The following SLC4A2 variants were observed in gnomAD, a reference collection of about 807,000 sequenced individuals.
The protein encoded by SLC4A2 is solute carrier family 4 member 2.
SLC4A2 carries 36 observed loss-of-function variants against 115.0 expected under a neutral mutation model. The observed-to-expected ratio is 0.31, with a 90% CI of 0.24 to 0.41. The LOEUF (loss-of-function observed/expected upper bound fraction) is 0.41. SLC4A2 is among the 10% of genes least tolerant of loss of function. SLC4A2 has a pLI of 1.00. For missense variants in SLC4A2, 1,252 were observed against 1,705.6 expected (o/e 0.73, Z 4.68); for synonymous variants, 708 against 708.3 (o/e 1.00, Z 0.01).
In SLC4A2 at chr7:151,075,297, C is replaced by T. The variant is rs138048493; in HGVS notation, c.3090C>T (p.Ser1030=). ...SKKERMLQKG[S]GFHLDLLLIV... ...AGGAGCGCATGCTGCAGAAGGGCTC[C>T]GGCTTCCACCTGGACCTGCTGCTCA... The change falls in exon 20 of 23, where the codon TCC becomes TCT. Residue 1030 remains serine (S), a synonymous_variant. Coordinates refer to ENST00000413384, the MANE Select transcript of SLC4A2 (RefSeq NM_003040.4). 291 of 1,613,422 alleles carry T rather than the reference C, an allele frequency of 1.8e-4. No homozygotes were observed. In the African/African-American group the frequency reaches 3.1e-3, roughly 17 times the overall value.
At position 151,074,278 on chromosome 7, in the gene SLC4A2, G is replaced by T; in HGVS notation, c.2775G>T (p.Arg925=). 1 of 1,610,138 alleles carries T rather than the reference G, an allele frequency of 6.2e-7. No individual in the cohort carries two copies. Among genetic ancestry groups the T allele is most frequent in the Non-Finnish European group, 8.5e-7 (1 of 1,179,248 alleles). ...TCCTGCGCAAATTCAAGAACAGCCG[G>T]TTCTTTCCTGGCCGGGTGCGTGGGC... The part of the protein sequence containing the change: ...AFFLRKFKNS[R]FFPGRIRRVI... Residue 925 remains arginine (R), a synonymous_variant, in exon 17 of 23, where the codon CGG becomes CGT. Coordinates refer to ENST00000413384, the MANE Select transcript of SLC4A2 (RefSeq NM_003040.4).
chr7:151,061,692 C>T lies in SLC4A2; in HGVS notation c.-63-233C>T, dbSNP rs1206627320. On this transcript the variant is annotated intron_variant, in intron 1 of 22. Transcript: ENST00000413384. ...GGCCTTTCCCACCTCCTCTCTCCTC[C>T]TCCCTCTACTCAGCCTCTCGGCCCT... The T allele has an allele frequency of 1.9e-5, 8 of 431,270 alleles. No individual in the cohort carries two copies. In the East Asian group the frequency reaches 2.0e-4, roughly 11 times the overall value. 26.7% of individuals were successfully genotyped at this position (431,270 alleles called of 1,614,324 possible). A position where few individuals can be genotyped will look rare whatever the true frequency, so the allele number is the denominator to read the frequency against.
chr7:151,071,039 G>A lies in SLC4A2; in HGVS notation c.1750-33G>A. 1 of 1,607,728 alleles carries A rather than the reference G, an allele frequency of 6.2e-7. No individual in the cohort carries two copies. The highest frequency in any genetic ancestry group is 8.5e-7 in the Non-Finnish European group (1 of 1,176,328). Reference sequence around the variant, plus strand: ...CTCCAGGCCCTCAGCCCTCTTCTTTGTGCTCTCCCCCATCCCCATGCTGCT... The same window carrying A: ...CTCCAGGCCCTCAGCCCTCTTCTTTATGCTCTCCCCCATCCCCATGCTGCT... On this transcript the variant is annotated intron_variant, in intron 12 of 22. Transcript: ENST00000413384. This position sits in a 1 kb window ranked among gnomAD's most constrained non-coding sequence, Gnocchi z 5.5.
Position 151,072,004 on chromosome 7 carries a change from G to T in SLC4A2, c.2403G>T (p.Val801=). The change falls in exon 16 of 23, where the codon GTG becomes GTT. Residue 801 remains valine, a synonymous_variant. Coordinates refer to ENST00000413384, the MANE Select transcript of SLC4A2 (RefSeq NM_003040.4). ...VGRVWIGFWL[V]FLALLMVALE... is the part of the protein sequence containing the mutation. ...GTGTGTGGATCGGCTTCTGGCTGGT[G>T]TTCCTGGCCCTGCTCATGGTGGCCC... 1 of 1,613,754 alleles carries T rather than the reference G, an allele frequency of 6.2e-7. No homozygotes were observed. Among genetic ancestry groups the T allele is most frequent in the Non-Finnish European group, 8.5e-7 (1 of 1,179,896 alleles).
rs765065667 is a variant in SLC4A2 at position 151,076,272 on chromosome 7, C to T, written c.3646-15C>T. 8 of 1,576,714 alleles carry T rather than the reference C, an allele frequency of 5.1e-6. No individual in the cohort carries two copies. In the South Asian group the frequency reaches 9.5e-5, roughly 19 times the overall value. ...CCCCCACTTCCCTTCTTGACCGCCA[C>T]CTCCCCACACACAGCTGGATGCTAA... On this transcript the variant is annotated splice_polypyrimidine_tract_variant and intron_variant, in intron 22 of 22. Transcript: ENST00000413384.
At position 151,064,317 on chromosome 7, in the gene SLC4A2, C is replaced by G. The variant is rs1165678568; in HGVS notation, c.167C>G (p.Ser56Cys). 2 of 1,604,228 alleles carry G rather than the reference C, an allele frequency of 1.2e-6. No homozygotes were observed. Among genetic ancestry groups the G allele is most frequent in the South Asian group, 2.2e-5 (2 of 90,792 alleles). Residue 56 changes from serine (S) to cysteine (C), a missense_variant, in exon 3 of 23, where the codon TCT (serine) becomes TGT (cysteine). Ser to Cys is a moderately radical substitution (Grantham distance 112, BLOSUM62 -1). This residue lies in a region of SLC4A2 where 74 missense variants were observed against 85.3 expected (regional missense o/e 0.87). Coordinates refer to ENST00000413384, the MANE Select transcript of SLC4A2 (RefSeq NM_003040.4). ...GAGGAGATCCTACAGGAGGCCGGGT[C>G]TCGTGGAGGGGAGGAGCCAGGCCGC... is the stretch of plus-strand genomic sequence containing the variant. ...RFEEILQEAG[S>C]RGGEEPGRSY...
rs775999895 is a variant in SLC4A2 at position 151,075,237 on chromosome 7, C to T, written c.3048-18C>T. 11 of 1,611,318 alleles carry T rather than the reference C, an allele frequency of 6.8e-6. No homozygotes were observed. The African/African-American group carries it at 8.0e-5, about 12-fold the overall frequency. On this transcript the variant is annotated intron_variant, in intron 19 of 22. Transcript: ENST00000413384. ...CTGAGTCCAGCCTGGGCCTCAGCAG[C>T]ACCCCTCCCGCTCTCAGGCTCATCA...
rs1394989140 is a variant in SLC4A2, at chr7:151,070,795, G to A, written c.1633G>A (p.Ala545Thr). 5 of 1,613,892 alleles carry A rather than the reference G, an allele frequency of 3.1e-6. No homozygotes were observed. Among genetic ancestry groups the A allele is most frequent in the South Asian group, 2.2e-5 (2 of 91,092 alleles). ...VRLREAVELD[A>T]VLEVPVPVRF... ...GCTCCGGGAGGCTGTGGAGTTGGAC[G>A]CAGTGTTGGAGGTGCCGGTGCCTGT... Residue 545 changes from alanine to threonine, a missense_variant, in exon 12 of 23, where the codon GCA (alanine) becomes ACA (threonine). By Grantham distance (58) the Ala-to-Thr change is moderately conservative. Around this residue, in one of 14 missense-constraint regions of SLC4A2, gnomAD observed 87 missense variants for 170.3 expected, o/e 0.51. Transcript: ENST00000413384.
rs923347323 is a variant in SLC4A2, at chr7:151,076,480, T to A, written c.*113T>A. The A allele has an allele frequency of 2.2e-6, 2 of 901,208 alleles. No homozygotes were observed. The highest frequency in any genetic ancestry group is 3.2e-6 in the Non-Finnish European group (2 of 622,640). 55.8% of individuals were successfully genotyped at this position (901,208 alleles called of 1,614,324 possible). Reference sequence around the variant, plus strand: ...TTATTTAAGTGAATAATTTAAAGTCTTCTCCTCCCCCACTGCCCCTGCAGT... The same window carrying A: ...TTATTTAAGTGAATAATTTAAAGTCATCTCCTCCCCCACTGCCCCTGCAGT... On this transcript the variant is annotated 3_prime_UTR_variant, in exon 23 of 23. Coordinates refer to ENST00000413384, the MANE Select transcript of SLC4A2 (RefSeq NM_003040.4).
chr7:151,075,629 CTGCTCCGGCAGATCCCCCTGGCCG>C lies in SLC4A2; in HGVS notation c.3331_3354del (p.Arg1111_Leu1118del). 6.3e-7 allele frequency: 1 copy of C among 1,596,308 alleles called. No individual in the cohort carries two copies. ...AGGCCTCTCCATAGTTATCGGGGAT[CTGCTCCGGCAGATCCCCCTGGCCG>C]TGCTCTTTGGAATTTTCCTGTACAT... On this transcript the variant is annotated inframe_deletion, in exon 21 of 23. Transcript: ENST00000413384.
chr7:151,072,209 A>G, intron 16 of SLC4A2, 73 bp downstream of exon 16: 1 of 1,381,806 alleles, frequency 7.2e-7, no homozygotes, highest in Non-Finnish European at 1.0e-6. Flanking sequence ...TCTTGGTCCC[A>G]TCCTCTGGAT....
rs759636720 is a variant in SLC4A2, at chr7:151,071,867, G to A, written c.2340+30G>A. The A allele has an allele frequency of 4.0e-5, 64 of 1,601,412 alleles. No individual in the cohort carries two copies. The highest frequency in any genetic ancestry group is 1.1e-4 in the East Asian group (5 of 44,710). On this transcript the variant is annotated intron_variant, in intron 15 of 22. Transcript: ENST00000413384. The surrounding 1 kb of genome is among the most constrained non-coding windows in gnomAD (Gnocchi z 5.5). ...GGGCTCTTCTCGCCCATCTCCAGCC[G>A]CCCCTCCCGTGCCCTAGACACCTCC...
In SLC4A2 at chr7:151,072,046, G is replaced by C. The variant is rs1221642820; in HGVS notation, c.2445G>C (p.Leu815=). ...LLMVALEGSF[L]VRFVSRFTQE... ...TGGTGGCCCTGGAGGGGAGCTTCCTGGTCCGCTTCGTCTCCCGCTTCACCC... is the reference window on the plus strand; with the variant it reads ...TGGTGGCCCTGGAGGGGAGCTTCCTCGTCCGCTTCGTCTCCCGCTTCACCC... Residue 815 remains leucine, a synonymous_variant, in exon 16 of 23, where the codon CTG becomes CTC. Transcript: ENST00000413384. The C allele has an allele frequency of 6.2e-7, 1 of 1,614,076 alleles. No homozygotes were observed. The highest frequency in any genetic ancestry group is 1.7e-5 in the Admixed American group (1 of 60,018).
chr7:151,063,707 G>A (rs1797132595), intron 2 of SLC4A2, among the ~76,000 whole-genome samples: 1 of 152,042 alleles, frequency 6.6e-6, no homozygotes, highest in African/African-American at 2.4e-5. Context: ...TGGGAGGACT[G>A]GGTCCCTATA....
At chr7:151,072,654 A>C (rs943647501) in intron 16 of SLC4A2, among the ~76,000 whole-genome samples, 2 of 144,644 alleles carry the variant, frequency 1.4e-5, no homozygotes, top group East Asian at 2.0e-4. Flanking sequence ...TCATACTTTT[A>C]TTTCTTTTTT....
intron 19 of SLC4A2, 149 bp from the exon 20 acceptor site, chr7:151,075,106 C>T (rs749690886): frequency 8.3e-7 from 1 of 1,199,210 alleles, no homozygotes; most frequent in South Asian, 1.3e-5. Context: ...AGGTTTTGCT[C>T]TGTAACGGAA....
chr7:151,075,700 G>C lies in SLC4A2; in HGVS notation c.3396G>C (p.Gly1132=). The C allele has an allele frequency of 1.2e-6, 2 of 1,612,238 alleles. No homozygotes were observed. The highest frequency in any genetic ancestry group is 1.7e-6 in the Non-Finnish European group (2 of 1,178,808). ...FLYMGVTSLN[G]IQFYERLHLL... ...ACATGGGAGTCACCTCCCTTAACGG[G>C]ATCCAGTTCTATGAGCGGCTGCATC... Residue 1132 remains glycine (G), a synonymous_variant, in exon 21 of 23, where the codon GGG becomes GGC. Transcript: ENST00000413384.
In SLC4A2 at chr7:151,071,333, G is replaced by A. The variant is rs770195941; in HGVS notation, c.1975+36G>A. 2.2e-5 allele frequency: 34 copies of A among 1,543,428 alleles called. No individual in the cohort carries two copies. The highest frequency in any genetic ancestry group is 2.4e-5 in the East Asian group (1 of 41,496). On this transcript the variant is annotated intron_variant, in intron 13 of 22. Coordinates refer to ENST00000413384, the MANE Select transcript of SLC4A2 (RefSeq NM_003040.4). The surrounding 1 kb of genome is among the most constrained non-coding windows in gnomAD (Gnocchi z 5.5). Reference sequence around the variant, plus strand: ...GGCGGGCTGGGGCCAGGGCTGCCTCGAGGGGGTGAGGTGGGCAAGAGGGGC... The same window carrying A: ...GGCGGGCTGGGGCCAGGGCTGCCTCAAGGGGGTGAGGTGGGCAAGAGGGGC...
Position 151,076,327 on chromosome 7 carries a change from A to G in SLC4A2, c.3686A>G (p.Glu1229Gly). The G allele has an allele frequency of 5.2e-6, 8 of 1,543,488 alleles. No homozygotes were observed. The highest frequency in any genetic ancestry group is 7.0e-6 in the Non-Finnish European group (8 of 1,142,910). Residue 1229 changes from glutamate to glycine, a missense_variant, in exon 23 of 23, where the codon GAG becomes GGG. Transcript: ENST00000413384. The part of the protein sequence containing the change: ...NEAEPVFDER[E>G]GVDEYNEMPM... ...GCAGAGCCGGTGTTTGATGAGCGGG[A>G]GGGTGTGGACGAGTACAATGAGATG...
Sources: gnomAD v4.1 joint callset for allele counts (sites outside exome capture counted in the v4.1 genomes callset) on GRCh38, gnomAD v4.1.1 for gene constraint, gnomAD v4.1.1 regional missense constraint, Gnocchi (gnomAD v3.1) non-coding constraint, MANE v1.5 for transcripts, NCBI Gene and HGNC (gene_info 2026-07-23, HGNC 2026-07-21) for gene names.